The following KAT5 variants were observed in gnomAD, a reference collection of about 807,000 sequenced individuals.
KAT5 encodes the protein histone acetyltransferase KAT5.
A neutral mutation model predicts 68.1 loss-of-function variants in KAT5; 31 were observed. The observed-to-expected ratio is 0.46, with a 90% CI of 0.34 to 0.61. KAT5 has a LOEUF of 0.61. Ranked by LOEUF, KAT5 falls within the 20% of genes least tolerant of loss-of-function variation. KAT5 has a pLI of 0.01. For synonymous variants in KAT5, 365 were observed against 292.6 expected (o/e 1.25, Z -2.52); for missense variants, 451 against 725.5 (o/e 0.62, Z 4.35).
Position 65,718,574 on chromosome 11 carries a change from T to G in KAT5, c.1265-16T>G. 1 of 1,611,404 alleles carries G rather than the reference T, an allele frequency of 6.2e-7. No homozygotes were observed. The highest frequency in any genetic ancestry group is 8.5e-7 in the Non-Finnish European group (1 of 1,178,126). ...CTGTGACCTCTTACTCACCCTCTCC[T>G]GCTCCATTGCTTTAGGCTATGAACT... is the stretch of plus-strand genomic sequence containing the variant. On this transcript the variant is annotated splice_polypyrimidine_tract_variant and intron_variant, in intron 10 of 12. Transcript: ENST00000341318.
rs2135619630 is a variant in KAT5 at position 65,712,423 on chromosome 11, C to T, written c.156C>T (p.Asn52=). 1 of 1,593,256 alleles carries T rather than the reference C, an allele frequency of 6.3e-7. No individual in the cohort carries two copies. The highest frequency in any genetic ancestry group is 2.3e-5 in the East Asian group (1 of 43,886). Residue 52 remains asparagine, a synonymous_variant, in exon 1 of 13, where the codon AAC becomes AAT. Transcript: ENST00000341318. The part of the protein sequence containing the change: ...EGCRLPVLRR[N]QDNEDEWPLA... The stretch of plus-strand genomic sequence containing the variant: ...GCCGCCTACCCGTGCTGCGGCGGAA[C>T]CAGGACAACGAAGATGAGTGGCGTG...
Position 65,718,621 on chromosome 11 carries a change from A to T in KAT5, c.1296A>T (p.Thr432=). Residue 432 remains threonine (T), a synonymous_variant, in exon 11 of 13, where the codon ACA becomes ACT. Coordinates refer to ENST00000341318, the MANE Select transcript of KAT5 (RefSeq NM_182710.3). ...SYELSKVEGK[T]GTPEKPLSDL... ...AACTCTCCAAAGTGGAAGGGAAAACAGGGACCCCTGAGAAGCCCCTCTCAG... is the reference window on the plus strand; with the variant it reads ...AACTCTCCAAAGTGGAAGGGAAAACTGGGACCCCTGAGAAGCCCCTCTCAG... 1 of 1,614,220 alleles carries T rather than the reference A, an allele frequency of 6.2e-7. No individual in the cohort carries two copies. The highest frequency in any genetic ancestry group is 1.1e-5 in the South Asian group (1 of 91,084).
rs752796461 is a variant in KAT5 at position 65,716,790 on chromosome 11, G to A, written c.1153G>A (p.Val385Met). 8.1e-6 allele frequency: 13 copies of A among 1,613,888 alleles called. No individual in the cohort carries two copies. The highest frequency in any genetic ancestry group is 1.1e-5 in the Non-Finnish European group (13 of 1,179,992). ...GTATGACTGTAAGGGCTTCCACATC[G>A]TGGGCTACTTCTCCAAGGTCAGTGC... ...TEYDCKGFHI[V>M]GYFSKEKEST... Residue 385 changes from valine (V) to methionine (M), a missense_variant, in exon 9 of 13, where the codon GTG (valine) becomes ATG (methionine). By Grantham distance (21) the Val-to-Met change is conservative (BLOSUM62 1). Coordinates refer to ENST00000341318, the MANE Select transcript of KAT5 (RefSeq NM_182710.3).
chr11:65,716,682 C>G lies in KAT5; in HGVS notation c.1045C>G (p.Leu349Val). 1.2e-6 allele frequency: 2 copies of G among 1,614,142 alleles called. No individual in the cohort carries two copies. The change falls in exon 9 of 13, where the codon CTG becomes GTG. Residue 349 changes from leucine (L) to valine (V), a missense_variant. This residue lies in a region of KAT5 where 210 missense variants were observed against 423.7 expected (regional missense o/e 0.50). Coordinates refer to ENST00000341318, the MANE Select transcript of KAT5 (RefSeq NM_182710.3). ...TCTCTTGCAGAGTTATTCCCAGAAC[C>G]TGTGTCTTTTGGCCAAGTGTTTCCT... ...GRKNKSYSQNLCLLAKCFLDH... is the reference protein window; with the variant it reads ...GRKNKSYSQNVCLLAKCFLDH...
chr11:65,715,118 C>T, intron 8 of KAT5: 2 of 584,080 alleles, frequency 3.4e-6, no homozygotes, highest in Admixed American at 5.6e-5. Context: ...TACCAATGAC[C>T]TCTAGCTCCC....
chr11:65,717,033 C>T, intron 10 of KAT5, 51 bp downstream of exon 10: 1 of 1,383,282 alleles, frequency 7.2e-7, no homozygotes, highest in Non-Finnish European at 1.0e-6. Flanking sequence ...ATCGGTGCCT[C>T]ACAGGCAGAT....
At chr11:65,715,556 C>G (rs776988750) in intron 8 of KAT5, among the ~76,000 whole-genome samples, 3 of 149,636 alleles carry the variant, frequency 2.0e-5, no homozygotes, top group African/African-American at 2.5e-5. Flanking sequence ...GTCAGGAGAT[C>G]GAGACCATCC....
At position 65,718,591 on chromosome 11, in the gene KAT5, C is replaced by T. The variant is rs555206742; in HGVS notation, c.1266C>T (p.Ser422=). 14 of 1,614,060 alleles carry T rather than the reference C, an allele frequency of 8.7e-6. No individual in the cohort carries two copies. Among genetic ancestry groups the T allele is most frequent in the African/African-American group, 1.3e-5 (1 of 75,054 alleles). Residue 422 remains serine (S), a splice_region_variant and synonymous_variant, in exon 11 of 13, where the codon AGC becomes AGT. Coordinates refer to ENST00000341318, the MANE Select transcript of KAT5 (RefSeq NM_182710.3). Reference sequence around the variant, plus strand: ...CCCTCTCCTGCTCCATTGCTTTAGGCTATGAACTCTCCAAAGTGGAAGGGA... The same window carrying T: ...CCCTCTCCTGCTCCATTGCTTTAGGTTATGAACTCTCCAAAGTGGAAGGGA... ...RGYGKLLIEF[S]YELSKVEGKT...
Position 65,718,948 on chromosome 11 carries a change from C to T in KAT5, c.1500C>T (p.Tyr500=), listed in dbSNP as rs1424215845. 6.2e-7 allele frequency: 1 copy of T among 1,614,052 alleles called. No individual in the cohort carries two copies. The highest frequency in any genetic ancestry group is 1.3e-5 in the African/African-American group (1 of 74,914). The change falls in exon 12 of 13, where the codon TAC becomes TAT. Residue 500 remains tyrosine, a synonymous_variant. Transcript: ENST00000341318. The stretch of plus-strand genomic sequence containing the variant: ...TGCAGTACCTCAATCTCATCAACTA[C>T]TACAAGGTAGGGAGGCAGGCAGGGG... ...STLQYLNLIN[Y]YKGQYILTLS...
rs1857305891 is a variant in KAT5 at position 65,719,061 on chromosome 11, C to T, written c.1521C>T (p.Leu507=). 1 of 1,614,060 alleles carries T rather than the reference C, an allele frequency of 6.2e-7. No homozygotes were observed. The highest frequency in any genetic ancestry group is 1.3e-5 in the African/African-American group (1 of 74,940). Residue 507 remains leucine (L), a synonymous_variant, in exon 13 of 13, where the codon CTC becomes CTT. Coordinates refer to ENST00000341318, the MANE Select transcript of KAT5 (RefSeq NM_182710.3). The part of the protein sequence containing the change: ...LINYYKGQYI[L]TLSEDIVDGH... The stretch of plus-strand genomic sequence containing the variant: ...CCTCTGCCCAGGGCCAGTACATCCT[C>T]ACACTGTCAGAGGACATCGTGGATG...
At chr11:65,717,952 C>G (rs886048483) in intron 10 of KAT5, 2 of 153,810 alleles carry the variant, frequency 1.3e-5, no homozygotes, top group Admixed American at 1.3e-4. Flanking sequence ...TGTGCAGGGT[C>G]TGAGGATCTC....
intron 1 of KAT5, 96 bp from the exon 2 acceptor site, chr11:65,712,670 C>G (rs1269294087): frequency 6.9e-7 from 1 of 1,458,662 alleles, no homozygotes; most frequent in Non-Finnish European, 9.6e-7. Context: ...AGTGCTGGAG[C>G]TTAGGGATCC....
In KAT5 at chr11:65,718,867, C is replaced by T. The variant is rs373553703; in HGVS notation, c.1425-6C>T. On this transcript the variant is annotated splice_polypyrimidine_tract_variant and splice_region_variant and intron_variant, in intron 11 of 12. Coordinates refer to ENST00000341318, the MANE Select transcript of KAT5 (RefSeq NM_182710.3). ...CTCAGGGAACCTGACCTGTGCTCTC[C>T]CACAGTGAGATTAGTGAAATCACCA... 1 of 1,614,112 alleles carries T rather than the reference C, an allele frequency of 6.2e-7. No homozygotes were observed.
Position 65,718,924 on chromosome 11 carries a change from G to A in KAT5, c.1476G>A (p.Leu492=). 6.2e-7 allele frequency: 1 copy of A among 1,614,192 alleles called. No homozygotes were observed. The highest frequency in any genetic ancestry group is 8.5e-7 in the Non-Finnish European group (1 of 1,180,040). ...SIKKEDVIST[L]QYLNLINYYK... ...AGAAGGAGGATGTCATCTCCACTCTGCAGTACCTCAATCTCATCAACTACT... is the reference window on the plus strand; with the variant it reads ...AGAAGGAGGATGTCATCTCCACTCTACAGTACCTCAATCTCATCAACTACT... Residue 492 remains leucine (L), a synonymous_variant, in exon 12 of 13, where the codon CTG becomes CTA. Transcript: ENST00000341318.
Position 65,712,362 on chromosome 11 carries a change from T to A in KAT5, c.95T>A (p.Val32Asp), listed in dbSNP as rs146788368. 3.6e-5 allele frequency: 55 copies of A among 1,541,532 alleles called. No homozygotes were observed. In the Middle Eastern group the frequency reaches 1.0e-3, roughly 29 times the overall value. The change falls in exon 1 of 13, where the codon GTC becomes GAC. Residue 32 changes from valine to aspartate, a missense_variant. Around this residue, in one of 4 missense-constraint regions of KAT5, gnomAD observed 104 missense variants for 107.3 expected, o/e 0.97. Transcript: ENST00000341318. Reference sequence around the variant, plus strand: ...GGCCCCCCAGTAGCCGACCCTGGCGTCGCGCTGTCTCCCCAGGGGGAGATA... The same window carrying A: ...GGCCCCCCAGTAGCCGACCCTGGCGACGCGCTGTCTCCCCAGGGGGAGATA... ...ARGPPVADPG[V>D]ALSPQGEIIE...
chr11:65,719,434 G>C lies in KAT5; in HGVS notation c.*253G>C, dbSNP rs1857322529. The C allele has an allele frequency of 1.6e-6, 1 of 606,356 alleles. No individual in the cohort carries two copies. The highest frequency in any genetic ancestry group is 3.0e-5 in the Admixed American group (1 of 33,894). 37.6% of individuals were successfully genotyped at this position (606,356 alleles called of 1,614,324 possible). A position where few individuals can be genotyped will look rare whatever the true frequency, so the allele number is the denominator to read the frequency against. On this transcript the variant is annotated 3_prime_UTR_variant, in exon 13 of 13. Transcript: ENST00000341318. ...AGCAGGGACCAGAGGGAGCCAGGCA[G>C]CTGTGTACAGTGAGAAGGGATCCGG... is the stretch of plus-strand genomic sequence containing the variant.
chr11:65,714,151 T>C, intron 6 of KAT5: 1 of 502,126 alleles, frequency 2.0e-6, no homozygotes, highest in Admixed American at 3.5e-5. Context: ...ATACAAAAAT[T>C]AGCCAGGCGT....
At position 65,712,419 on chromosome 11, in the gene KAT5, G is replaced by A; in HGVS notation, c.152G>A (p.Arg51Gln). 1 of 1,592,086 alleles carries A rather than the reference G, an allele frequency of 6.3e-7. No homozygotes were observed. Among genetic ancestry groups the A allele is most frequent in the Non-Finnish European group, 8.5e-7 (1 of 1,173,876 alleles). Reference protein sequence around the residue: ...IEGCRLPVLRRNQDNEDEWPL... With the variant: ...IEGCRLPVLRQNQDNEDEWPL... The stretch of plus-strand genomic sequence containing the variant: ...GGCTGCCGCCTACCCGTGCTGCGGC[G>A]GAACCAGGACAACGAAGATGAGTGG... Residue 51 changes from arginine (R) to glutamine (Q), a missense_variant, in exon 1 of 13, where the codon CGG (arginine) becomes CAG (glutamine). Around this residue, in one of 4 missense-constraint regions of KAT5, gnomAD observed 104 missense variants for 107.3 expected, o/e 0.97. Transcript: ENST00000341318.
intron 8 of KAT5, 47 bp downstream of exon 8, chr11:65,714,957 G>A: frequency 6.6e-7 from 1 of 1,511,998 alleles, no homozygotes; most frequent in Middle Eastern, 1.7e-4. Context: ...TCAAATGACA[G>A]CTTCTTCTTG....
Sources: allele counts gnomAD v4.1 joint callset (sites outside exome capture counted in the v4.1 genomes callset), GRCh38; gene constraint gnomAD v4.1.1; regional missense constraint gnomAD v4.1.1; transcripts MANE v1.5; gene names NCBI Gene and HGNC (gene_info 2026-07-23, HGNC 2026-07-21).